The following DMBX1 variants were observed in gnomAD, a reference collection of about 807,000 sequenced individuals.
DMBX1 encodes the protein diencephalon/mesencephalon homeobox 1, also known as diencephalon/mesencephalon homeobox protein 1.
In DMBX1, 7 loss-of-function variants were observed where a neutral mutation model predicts 30.4. The observed-to-expected ratio is 0.23, with a 90% confidence interval of 0.13 to 0.43. DMBX1 has a LOEUF of 0.43. DMBX1 is among the 20% of genes least tolerant of loss of function. The pLI is 1.00. For missense variants in DMBX1, 460 were observed against 508.5 expected (o/e 0.90, Z 0.92); for synonymous variants, 222 against 214.2 (o/e 1.04, Z -0.32).
chr1:46,512,760 G>A lies in DMBX1; in HGVS notation c.*266G>A. On this transcript the variant is annotated 3_prime_UTR_variant, in exon 6 of 6. Coordinates refer to ENST00000360032, the MANE Select transcript of DMBX1 (RefSeq NM_172225.2). The surrounding 1 kb of genome is among the most constrained non-coding windows in gnomAD (Gnocchi z 4.8). ...CCCCAAGCTTCCCTCGGAGAAGTGA[G>A]AGGCTCTCCCTGGCTAGATCCTCAT... is the stretch of plus-strand genomic sequence containing the variant. 2.0e-6 allele frequency: 1 copy of A among 498,098 alleles called. No individual in the cohort carries two copies. The highest frequency in any genetic ancestry group is 3.5e-6 in the Non-Finnish European group (1 of 281,966). 30.9% of individuals were successfully genotyped at this position (498,098 alleles called of 1,614,324 possible).
At position 46,490,763 on chromosome 1, in the gene DMBX1, C is replaced by T. The variant is rs1162985046; in HGVS notation, c.-33C>T. 6.6e-6 allele frequency among the ~76,000 whole-genome samples: 1 copy of T among 152,256 alleles called. No homozygotes were observed. Among genetic ancestry groups the T allele is most frequent in the East Asian group, 1.9e-4 (1 of 5,194 alleles). On this transcript the variant is annotated 5_prime_UTR_variant, in exon 2 of 6. Coordinates refer to ENST00000360032, the MANE Select transcript of DMBX1 (RefSeq NM_172225.2). Reference sequence around the variant, plus strand: ...CCAGCCTCTGCCCTCGAAGACGCGGCCTTGGTCTAGGAACCTTCAGGTGGG... The same window carrying T: ...CCAGCCTCTGCCCTCGAAGACGCGGTCTTGGTCTAGGAACCTTCAGGTGGG...
chr1:46,495,843 T>C (rs942453580), intron 2 of DMBX1, among the ~76,000 whole-genome samples: 6 of 151,176 alleles, frequency 4.0e-5, no homozygotes, highest in African/African-American at 1.5e-4. Context: ...ATTCCCGGAG[T>C]GGGAGGCAGC....
intron 2 of DMBX1, among the ~76,000 whole-genome samples, chr1:46,497,762 G>T (rs1190543107): frequency 6.6e-6 from 1 of 152,250 alleles, no homozygotes; most frequent in East Asian, 1.9e-4. Context: ...GGATGCATTT[G>T]CAGATTTGGA....
At chr1:46,511,940 G>A in intron 5 of DMBX1, 103 bp from the exon 6 acceptor site, 4 of 1,185,248 alleles carry the variant, frequency 3.4e-6, no homozygotes, top group Non-Finnish European at 4.8e-6. Flanking sequence ...GCCGAAGCCT[G>A]TCTTGTCTAT....
chr1:46,512,204 G>C lies in DMBX1; in HGVS notation c.844G>C (p.Glu282Gln), dbSNP rs142474862. Residue 282 changes from glutamate to glutamine, a missense_variant, in exon 6 of 6, where the codon GAA becomes CAA. Transcript: ENST00000360032. This position sits in a 1 kb window ranked among gnomAD's most constrained non-coding sequence, Gnocchi z 4.8. ...CAACCTGGTGCACTACTCGTCCTTC[G>C]AAGTAGGGGGTCCGGCCCCTGCTGC... ...TNNLVHYSSFEVGGPAPAAAA... is the reference protein window; with the variant it reads ...TNNLVHYSSFQVGGPAPAAAA... 3.1e-6 allele frequency: 5 copies of C among 1,613,914 alleles called. No homozygotes were observed. In the African/African-American group the frequency reaches 4.0e-5, roughly 13 times the overall value.
chr1:46,501,218 CTTTCTTT>C (rs1557786018), intron 2 of DMBX1, among the ~76,000 whole-genome samples: 7,221 of 85,260 alleles, frequency 0.085, 348 homozygotes, highest in Middle Eastern at 0.11. Context: ...TCCTTCCTTT[CTTTCTTT>C]CTTTCTTTCT....
chr1:46,495,164 G>A (rs1211214225), intron 2 of DMBX1, among the ~76,000 whole-genome samples: 2 of 152,240 alleles, frequency 1.3e-5, no homozygotes, highest in African/African-American at 4.8e-5. Context: ...CCTAGGGCAT[G>A]TGACCATCTG....
intron 2 of DMBX1, among the ~76,000 whole-genome samples, chr1:46,504,433 G>A (rs560606944): frequency 0.042 from 3,481 of 82,748 alleles, no homozygotes; most frequent in African/African-American, 0.11. Context: ...TTCTACGTAT[G>A]GCTAGCCAGT....
rs78867810 is a variant in DMBX1 at position 46,507,272 on chromosome 1, G to A, written c.154+108G>A. On this transcript the variant is annotated intron_variant, in intron 3 of 5. Coordinates refer to ENST00000360032, the MANE Select transcript of DMBX1 (RefSeq NM_172225.2). ...GCACTGGCCAAGCTTGTTCTAGGGG[G>A]CTCAAAAAGACTCAGGTCACTTAGC... is the stretch of plus-strand genomic sequence containing the variant. 1.7e-3 allele frequency: 2,467 copies of A among 1,414,832 alleles called. 26 individuals carry two copies. The highest frequency in any genetic ancestry group is 0.013 in the East Asian group (523 of 41,220). 87.6% of individuals were successfully genotyped at this position (1,414,832 alleles called of 1,614,324 possible).
intron 3 of DMBX1, among the ~76,000 whole-genome samples, chr1:46,508,020 G>A (rs1226832224): frequency 6.6e-6 from 1 of 151,636 alleles, no homozygotes; most frequent in East Asian, 1.9e-4. Flanking sequence ...TCTACTGACT[G>A]TTGCCCTGCC....
In DMBX1 at chr1:46,512,865, A is replaced by C. The variant is rs1666412162; in HGVS notation, c.*371A>C. 6 of 206,470 alleles carry C rather than the reference A, an allele frequency of 2.9e-5. No individual in the cohort carries two copies. Among genetic ancestry groups the C allele is most frequent in the Admixed American group, 2.7e-4 (5 of 18,800 alleles). The allele number at this position is 206,470 out of a possible 1,614,324, so 12.8% of individuals were successfully genotyped here. Reference sequence around the variant, plus strand: ...CGTGTGGAATGTGAGATATAAATATAAATATATAAAGCTATATTTTCAGGC... The same window carrying C: ...CGTGTGGAATGTGAGATATAAATATCAATATATAAAGCTATATTTTCAGGC... On this transcript the variant is annotated 3_prime_UTR_variant, in exon 6 of 6. Coordinates refer to ENST00000360032, the MANE Select transcript of DMBX1 (RefSeq NM_172225.2). The surrounding 1 kb of genome is among the most constrained non-coding windows in gnomAD (Gnocchi z 4.8).
chr1:46,501,014 A>T (rs1360310385), intron 2 of DMBX1, among the ~76,000 whole-genome samples: 1 of 152,204 alleles, frequency 6.6e-6, no homozygotes, highest in Non-Finnish European at 1.5e-5. Flanking sequence ...TGATGTAAGG[A>T]ATAAATAGCT....
rs1005495423 is a variant in DMBX1, at chr1:46,510,089, G to A, written c.155-387G>A. The stretch of plus-strand genomic sequence containing the variant: ...GTATTCAGAATCTAAGGGCTATAGG[G>A]TCTTAGAACTCCTGTGATATGGACT... On this transcript the variant is annotated intron_variant, in intron 3 of 5. Coordinates refer to ENST00000360032, the MANE Select transcript of DMBX1 (RefSeq NM_172225.2). The surrounding 1 kb of genome is among the most constrained non-coding windows in gnomAD (Gnocchi z 4.1). Among the ~76,000 whole-genome samples the A allele has an allele frequency of 4.6e-5, 7 of 152,154 alleles. No homozygotes were observed. The highest frequency in any genetic ancestry group is 1.7e-4 in the African/African-American group (7 of 41,422).
chr1:46,511,421 G>A, intron 5 of DMBX1, 138 bp downstream of exon 5: 1 of 1,036,490 alleles, frequency 9.6e-7, no homozygotes, highest in Non-Finnish European at 1.3e-6. Context: ...CCTGGGCCAG[G>A]TTTTCACCCT....
At chr1:46,499,082 C>T (rs1379286214) in intron 2 of DMBX1, among the ~76,000 whole-genome samples, 1 of 151,636 alleles carries the variant, frequency 6.6e-6, no homozygotes, top group Non-Finnish European at 1.5e-5. Context: ...CACTCTGTCA[C>T]CCAGGCTGCA....
Position 46,511,234 on chromosome 1 carries a change from T to G in DMBX1, c.633T>G (p.Pro211=), listed in dbSNP as rs1250567607. Residue 211 remains proline, a synonymous_variant, in exon 5 of 6, where the codon CCT becomes CCG. Transcript: ENST00000360032. ...GAEDPKAEKS[P]GADSKGLGCK... The stretch of plus-strand genomic sequence containing the variant: ...AGGACCCCAAAGCTGAGAAGAGCCC[T>G]GGGGCTGACAGCAAGGGGCTGGGCT... The G allele has an allele frequency of 6.2e-7, 1 of 1,610,926 alleles. No individual in the cohort carries two copies. The highest frequency in any genetic ancestry group is 8.5e-7 in the Non-Finnish European group (1 of 1,179,124).
intron 2 of DMBX1, among the ~76,000 whole-genome samples, chr1:46,501,262 CTT>C (rs1365639923): frequency 5.5e-5 from 7 of 126,526 alleles, no homozygotes; most frequent in Admixed American, 5.1e-4. Context: ...TTCTTTCTTT[CTT>C]TCTTTCTCTT....
rs1489040896 is a variant in DMBX1, at chr1:46,512,647, G to A, written c.*153G>A. 9 of 836,072 alleles carry A rather than the reference G, an allele frequency of 1.1e-5. No individual in the cohort carries two copies. Among genetic ancestry groups the A allele is most frequent in the Non-Finnish European group, 1.6e-5 (9 of 552,750 alleles). 51.8% of individuals were successfully genotyped at this position (836,072 alleles called of 1,614,324 possible). ...GCTCCGCTTCCCCATACCCCAGCCC[G>A]AGGTGAAGCCCACACCTACACACCC... is the stretch of plus-strand genomic sequence containing the variant. On this transcript the variant is annotated 3_prime_UTR_variant, in exon 6 of 6. Transcript: ENST00000360032. This position sits in a 1 kb window ranked among gnomAD's most constrained non-coding sequence, Gnocchi z 4.8.
intron 3 of DMBX1, among the ~76,000 whole-genome samples, chr1:46,508,771 C>A (rs751192267): frequency 3.3e-5 from 5 of 152,274 alleles, no homozygotes; most frequent in African/African-American, 1.2e-4. Flanking sequence ...GCTCTGCCGG[C>A]GGTTTAGAGA....
Sources: gnomAD v4.1 joint callset for allele counts (sites outside exome capture counted in the v4.1 genomes callset) on GRCh38, gnomAD v4.1.1 for gene constraint, Gnocchi (gnomAD v3.1) non-coding constraint, MANE v1.5 for transcripts, NCBI Gene and HGNC (gene_info 2026-07-23, HGNC 2026-07-21) for gene names.